ST14: variants seen among roughly 807,000 people sequenced by gnomAD.
The protein encoded by ST14 is suppressor of tumorigenicity 14 protein.
Under a neutral mutation model 96.5 loss-of-function variants are expected in ST14, and 40 were observed. That is an observed-to-expected ratio of 0.41 (90% CI 0.32 to 0.54). The LOEUF (loss-of-function observed/expected upper bound fraction) is 0.54. Ranked by LOEUF, ST14 falls within the 20% of genes least tolerant of loss-of-function variation. ST14 has a pLI of 0.17. For synonymous variants in ST14, 506 were observed against 492.1 expected (o/e 1.03, Z -0.37); for missense variants, 1,066 against 1,188.9 (o/e 0.90, Z 1.52).
intron 1 of ST14, among the ~76,000 whole-genome samples, chr11:130,184,030 G>C (rs1953216616): frequency 6.6e-6 from 1 of 152,242 alleles, no homozygotes; most frequent in Non-Finnish European, 1.5e-5. Flanking sequence ...AAGCCAGATG[G>C]AAGAGTGCAT....
chr11:130,198,162 T>C, intron 12 of ST14, 146 bp from the exon 13 acceptor site: 3 of 932,012 alleles, frequency 3.2e-6, no homozygotes, highest in Non-Finnish European at 3.5e-6. Context: ...AGTGCTGAGG[T>C]CAGCTTGGTA....
chr11:130,193,034 T>C (rs553812501), intron 7 of ST14, among the ~76,000 whole-genome samples: 4 of 152,232 alleles, frequency 2.6e-5, no homozygotes, highest in Middle Eastern at 3.4e-3. Flanking sequence ...TAATAGTATC[T>C]ACTTCATAGA....
chr11:130,166,850 G>A (rs1953045780), intron 1 of ST14, among the ~76,000 whole-genome samples: 1 of 152,208 alleles, frequency 6.6e-6, no homozygotes, highest in Non-Finnish European at 1.5e-5. Flanking sequence ...ACCTTTTAAA[G>A]TTATTATTAA....
chr11:130,190,387 CA>C, intron 6 of ST14, 66 bp from the exon 7 acceptor site: 1 of 1,597,092 alleles, frequency 6.3e-7, no homozygotes, highest in Non-Finnish European at 8.5e-7. Context: ...CACGGGGTCT[CA>C]GGGTCCTCCC....
intron 1 of ST14, among the ~76,000 whole-genome samples, chr11:130,177,921 C>T (rs1000315165): frequency 3.3e-5 from 5 of 152,208 alleles, no homozygotes; most frequent in Admixed American, 6.5e-5. Flanking sequence ...AGGTCCTAAC[C>T]GGGTCCATGC....
At chr11:130,194,070 T>C in intron 7 of ST14, 79 bp from the exon 8 acceptor site, 1 of 1,605,288 alleles carries the variant, frequency 6.2e-7, no homozygotes, top group Non-Finnish European at 8.5e-7. Context: ...CAGGCACCTC[T>C]GCCTGAGAGC....
intron 16 of ST14, among the ~76,000 whole-genome samples, chr11:130,207,519 C>T (rs1388866541): frequency 6.6e-6 from 1 of 152,114 alleles, no homozygotes; most frequent in African/African-American, 2.4e-5. Flanking sequence ...CCTCTGTACT[C>T]CAGCCTGGGT....
At chr11:130,179,684 A>C (rs1953173265) in intron 1 of ST14, among the ~76,000 whole-genome samples, 1 of 152,212 alleles carries the variant, frequency 6.6e-6, no homozygotes. Context: ...TTTTATGAAC[A>C]GCAGCCTGAT....
At chr11:130,177,019 C>T (rs951192817) in intron 1 of ST14, among the ~76,000 whole-genome samples, 3 of 150,964 alleles carry the variant, frequency 2.0e-5, no homozygotes, top group Non-Finnish European at 4.4e-5. Flanking sequence ...AAGATGATCT[C>T]GATCTCCTGA....
In ST14 at chr11:130,196,559, C is replaced by G. The variant is rs747576249; in HGVS notation, c.1224-11C>G. 64 of 1,609,280 alleles carry G rather than the reference C, an allele frequency of 4.0e-5. No individual in the cohort carries two copies. The South Asian group carries it at 5.5e-4, about 14-fold the overall frequency. ...TGTCCCTCCTCACCTTGTGCCCCGC[C>G]CCCCCTCCAGATACTGCGGAGAGAG... is the stretch of plus-strand genomic sequence containing the variant. On this transcript the variant is annotated splice_polypyrimidine_tract_variant and intron_variant, in intron 10 of 18. Transcript: ENST00000278742.
intron 1 of ST14, among the ~76,000 whole-genome samples, chr11:130,178,179 G>A (rs949971172): frequency 9.2e-5 from 14 of 152,160 alleles, no homozygotes; most frequent in African/African-American, 3.4e-4. Flanking sequence ...CAAGAGAAAG[G>A]GGATAGGAAA....
chr11:130,172,151 G>A lies in ST14; in HGVS notation c.81+12091G>A, dbSNP rs180811538. ...TTTTTTTGAGACAGGGTCTCGCTCT[G>A]TTGCCCAAGCTGGAGTGCAGTGGCG... On this transcript the variant is annotated intron_variant, in intron 1 of 18. Transcript: ENST00000278742. Among the ~76,000 whole-genome samples, 73 of 151,660 alleles carry A rather than the reference G, an allele frequency of 4.8e-4. 1 individual carries two copies. The highest frequency in any genetic ancestry group is 1.7e-3 in the African/African-American group (72 of 41,354).
intron 5 of ST14, 104 bp from the exon 6 acceptor site, chr11:130,190,009 G>GAA: frequency 6.2e-7 from 1 of 1,610,748 alleles, no homozygotes; most frequent in Non-Finnish European, 8.5e-7. Flanking sequence ...GCCCCAGAGA[G>GAA]AAGACTACGT....
At chr11:130,201,843 G>T (rs1212632943) in intron 16 of ST14, among the ~76,000 whole-genome samples, 1 of 152,240 alleles carries the variant, frequency 6.6e-6, no homozygotes, top group Non-Finnish European at 1.5e-5. Context: ...CTCCCAAAGT[G>T]CTGGCATTAC....
chr11:130,191,461 G>A (rs1276121033), intron 7 of ST14, among the ~76,000 whole-genome samples: 1 of 152,138 alleles, frequency 6.6e-6, no homozygotes, highest in Non-Finnish European at 1.5e-5. Flanking sequence ...AGGCCAAGGC[G>A]GCTGGATCAC....
chr11:130,207,022 G>A (rs1053370225), intron 16 of ST14, among the ~76,000 whole-genome samples: 6 of 152,118 alleles, frequency 3.9e-5, no homozygotes, highest in South Asian at 2.1e-4. Context: ...CACTTATTTC[G>A]GGGTTCTTAT....
At chr11:130,160,564 C>T (rs992382519) in intron 1 of ST14, among the ~76,000 whole-genome samples, 1 of 152,048 alleles carries the variant, frequency 6.6e-6, no homozygotes, top group Non-Finnish European at 1.5e-5. Flanking sequence ...GGCTGCCATA[C>T]GGGCTGGAGC....
chr11:130,160,714 G>A (rs1281633426), intron 1 of ST14, among the ~76,000 whole-genome samples: 2 of 152,176 alleles, frequency 1.3e-5, no homozygotes, highest in Non-Finnish European at 2.9e-5. Flanking sequence ...GCTCTTCTTT[G>A]GCAGAAAGAA....
rs753368619 is a variant in ST14 at position 130,194,238 on chromosome 11, G to A, written c.965G>A (p.Arg322Gln). The stretch of plus-strand genomic sequence containing the variant: ...ATCACACTGATAACCAACACTGAGC[G>A]GCGGCATCCCGGCTTTGAGGCCACC... ...LLITLITNTE[R>Q]RHPGFEATFF... The change falls in exon 8 of 19, where the codon CGG (arginine) becomes CAG (glutamine). Residue 322 changes from arginine to glutamine, a missense_variant. Physicochemically the swap from Arg to Gln is conservative, Grantham distance 43. Transcript: ENST00000278742. The A allele has an allele frequency of 2.4e-5, 39 of 1,614,112 alleles. No individual in the cohort carries two copies. Among genetic ancestry groups the A allele is most frequent in the South Asian group, 6.6e-5 (6 of 91,092 alleles).
Sources: allele counts gnomAD v4.1 joint callset (sites outside exome capture counted in the v4.1 genomes callset), GRCh38; gene constraint gnomAD v4.1.1; transcripts MANE v1.5; gene names NCBI Gene and HGNC (gene_info 2026-07-23, HGNC 2026-07-21).